Variants in GRM5 observed in about 807,000 individuals in gnomAD.
GRM5 encodes metabotropic glutamate receptor 5.
In GRM5, 19 loss-of-function variants were observed where a neutral mutation model predicts 83.1. That is an observed-to-expected ratio of 0.23 (90% CI 0.16 to 0.34). The LOEUF is 0.34. Ranked by LOEUF, GRM5 falls within the 10% of genes least tolerant of loss-of-function variation. GRM5 has a pLI of 1.00. For synonymous variants in GRM5, 675 were observed against 633.6 expected, an observed-to-expected ratio of 1.07 and a Z score of -0.98; for missense variants, 1,160 against 1,588.3, an observed-to-expected ratio of 0.73 and a Z score of 4.58.
intron 3 of GRM5, among the ~76,000 whole-genome samples, chr11:88,734,753 A>C (rs769365336): frequency 1.8e-4 from 28 of 152,044 alleles, no homozygotes; most frequent in Non-Finnish European, 3.4e-4. Flanking sequence ...TTTTTCTTCA[A>C]AATATAACAC....
intron 3 of GRM5, among the ~76,000 whole-genome samples, chr11:88,743,784 C>G (rs2135419082): frequency 6.6e-6 from 1 of 152,206 alleles, no homozygotes; most frequent in Middle Eastern, 3.4e-3. Context: ...CACAAGTAGT[C>G]ACTAACCAAA....
intron 3 of GRM5, among the ~76,000 whole-genome samples, chr11:88,842,323 G>A (rs1944218538): frequency 1.3e-5 from 2 of 152,134 alleles, no homozygotes; most frequent in South Asian, 4.1e-4. Flanking sequence ...GACCTGCACA[G>A]TTCAAACTCA....
intron 3 of GRM5, among the ~76,000 whole-genome samples, chr11:88,775,343 G>C (rs1942824749): frequency 6.6e-6 from 1 of 151,862 alleles, no homozygotes; most frequent in South Asian, 2.1e-4. Flanking sequence ...TCCTTTACTT[G>C]TCTTCCTAGC....
At chr11:88,968,050 T>A (rs1157514060) in intron 2 of GRM5, among the ~76,000 whole-genome samples, 1 of 152,096 alleles carries the variant, frequency 6.6e-6, no homozygotes, top group African/African-American at 2.4e-5. Flanking sequence ...GCAACAGAAT[T>A]GAGAGATTTA....
chr11:88,897,840 T>G (rs184683838), intron 2 of GRM5, among the ~76,000 whole-genome samples: 373 of 152,100 alleles, frequency 2.5e-3, no homozygotes, highest in Middle Eastern at 6.8e-3. Flanking sequence ...TTAAAAGGTT[T>G]TGGTGAAGAT....
rs373069579 is a variant in GRM5, at chr11:89,028,949, C to A, written c.661+18263G>T. Among the ~76,000 whole-genome samples, 10 of 152,074 alleles carry A rather than the reference C, an allele frequency of 6.6e-5. No homozygotes were observed. In the East Asian group the frequency reaches 1.6e-3, roughly 24 times the overall value. On this transcript the variant is annotated intron_variant, in intron 2 of 9. Transcript: ENST00000305447. ...CTATCCCTTCCCCAGTCCCCCACCC[C>A]CCTACGTACCCTCCCTGTTCTCCTT...
intron 3 of GRM5, among the ~76,000 whole-genome samples, chr11:88,836,776 TAG>T (rs1417254283): frequency 1.7e-4 from 26 of 152,102 alleles, no homozygotes; most frequent in African/African-American, 6.0e-4. Flanking sequence ...GCTTGGGTGA[TAG>T]AGTGAGTGAG....
intron 6 of GRM5, among the ~76,000 whole-genome samples, chr11:88,596,883 A>C (rs1360829554): frequency 6.6e-6 from 1 of 152,050 alleles, no homozygotes; most frequent in African/African-American, 2.4e-5. Context: ...TTATTAAATA[A>C]ATTAGAATTA....
intron 2 of GRM5, among the ~76,000 whole-genome samples, chr11:89,007,682 C>A (rs529603487): frequency 6.2e-4 from 94 of 152,222 alleles, no homozygotes; most frequent in African/African-American, 2.2e-3. Flanking sequence ...AGCAGAAGGG[C>A]ATGATGAATA....
At chr11:88,511,536 T>C (rs1404955906) in intron 9 of GRM5, among the ~76,000 whole-genome samples, 1 of 152,238 alleles carries the variant, frequency 6.6e-6, no homozygotes, top group Non-Finnish European at 1.5e-5. Context: ...TGTAGTCTCA[T>C]GTCCTTCAGA....
At chr11:89,034,114 T>C (rs564222395) in intron 2 of GRM5, among the ~76,000 whole-genome samples, 1 of 151,816 alleles carries the variant, frequency 6.6e-6, no homozygotes, top group South Asian at 2.1e-4. Context: ...AATATCTTAA[T>C]TACTTATTAT....
At chr11:89,008,934 G>C (rs1180746050) in intron 2 of GRM5, 2 of 536,514 alleles carry the variant, frequency 3.7e-6, no homozygotes, top group Non-Finnish European at 6.8e-6. Flanking sequence ...TTAATTAAGG[G>C]CATTTTAGCA....
chr11:88,687,432 G>A (rs543573055), intron 3 of GRM5, among the ~76,000 whole-genome samples: 2 of 140,876 alleles, frequency 1.4e-5, no homozygotes, highest in East Asian at 2.1e-4. Context: ...AGCCGAGATC[G>A]CTTCACTGCA....
At chr11:88,879,326 T>A (rs1408449505) in intron 2 of GRM5, among the ~76,000 whole-genome samples, 3 of 151,838 alleles carry the variant, frequency 2.0e-5, no homozygotes, top group Non-Finnish European at 2.9e-5. Context: ...TAGAAAGTAA[T>A]CTTAGTACTC....
chr11:89,012,846 G>T (rs1940742687), intron 2 of GRM5, among the ~76,000 whole-genome samples: 1 of 152,226 alleles, frequency 6.6e-6, no homozygotes, highest in Non-Finnish European at 1.5e-5. Context: ...CGTTTGAATA[G>T]TTTCCTAAAT....
At chr11:88,729,497 T>G (rs1941758359) in intron 3 of GRM5, among the ~76,000 whole-genome samples, 1 of 152,188 alleles carries the variant, frequency 6.6e-6, no homozygotes, top group Non-Finnish European at 1.5e-5. Context: ...AGGCTACCAT[T>G]GACTTTCTTC....
chr11:88,742,809 T>C (rs77125182), intron 3 of GRM5, among the ~76,000 whole-genome samples: 525 of 152,222 alleles, frequency 3.4e-3, no homozygotes, highest in African/African-American at 0.012. Flanking sequence ...GGAATATTGA[T>C]GCCATCTGGG....
Position 89,047,175 on chromosome 11 carries a change from T to G in GRM5, c.661+37A>C. ...CCTGAAATTGTAACTGTTGAGTGCA[T>G]AATAATATATACTCGATGTATGCAA... On this transcript the variant is annotated intron_variant, in intron 2 of 9. Transcript: ENST00000305447. The surrounding 1 kb of genome is among the most constrained non-coding windows in gnomAD (Gnocchi z 5.1). The G allele has an allele frequency of 6.8e-7, 1 of 1,475,106 alleles. No individual in the cohort carries two copies. Among genetic ancestry groups the G allele is most frequent in the Non-Finnish European group, 9.3e-7 (1 of 1,079,246 alleles). 91.4% of individuals were successfully genotyped at this position (1,475,106 alleles called of 1,614,324 possible).
intron 3 of GRM5, among the ~76,000 whole-genome samples, chr11:88,809,596 C>G (rs761487536): frequency 1.1e-4 from 16 of 151,864 alleles, no homozygotes; most frequent in Non-Finnish European, 1.9e-4. Flanking sequence ...ATTAAACAAC[C>G]AAGTTAATGA....
Sources: gnomAD v4.1 joint callset for allele counts (sites outside exome capture counted in the v4.1 genomes callset) on GRCh38, gnomAD v4.1.1 for gene constraint, Gnocchi (gnomAD v3.1) non-coding constraint, MANE v1.5 for transcripts, NCBI Gene and HGNC (gene_info 2026-07-23, HGNC 2026-07-21) for gene names.